LRP12: variants seen among roughly 807,000 people sequenced by gnomAD.
LRP12 encodes the protein low-density lipoprotein receptor-related protein 12.
LRP12 carries 14 observed loss-of-function variants against 66.0 expected under a neutral mutation model. That is an observed-to-expected ratio of 0.21 (90% CI 0.14 to 0.33). LRP12 has a LOEUF of 0.33. LRP12 is among the 10% of genes least tolerant of loss of function. LRP12 has a pLI of 1.00. For synonymous variants in LRP12, 357 were observed against 359.1 expected (o/e 0.99, Z 0.07); for missense variants, 889 against 1,053.4 (o/e 0.84, Z 2.16).
intron 1 of LRP12, among the ~76,000 whole-genome samples, chr8:104,575,157 C>T (rs368270193): frequency 6.6e-6 from 1 of 152,170 alleles, no homozygotes; most frequent in East Asian, 1.9e-4. Flanking sequence ...AGCCAGATCC[C>T]CTGCCCCTGA....
At chr8:104,585,625 G>A (rs909099942) in intron 1 of LRP12, among the ~76,000 whole-genome samples, 2 of 152,144 alleles carry the variant, frequency 1.3e-5, no homozygotes, top group African/African-American at 4.8e-5. Context: ...GTCCAGACCA[G>A]CAAATGAAGA....
chr8:104,565,092 C>T (rs1811978087), intron 1 of LRP12, among the ~76,000 whole-genome samples: 1 of 151,964 alleles, frequency 6.6e-6, no homozygotes, highest in African/African-American at 2.4e-5. Context: ...ATAATATTCA[C>T]TTAATAGTTC....
intron 2 of LRP12, among the ~76,000 whole-genome samples, chr8:104,520,919 C>T (rs978043755): frequency 6.6e-6 from 1 of 152,004 alleles, no homozygotes; most frequent in Non-Finnish European, 1.5e-5. Context: ...TTTTTACGTT[C>T]ACTAGGTTTG....
At position 104,513,025 on chromosome 8, in the gene LRP12, A is replaced by C. The variant is rs191099963; in HGVS notation, c.137-3951T>G. On this transcript the variant is annotated intron_variant, in intron 2 of 6. Transcript: ENST00000276654. ...GTTATGCACATTTCCAACATGACTGAATTTGGAATCTGGCTTCAGATCTAG... is the reference window on the plus strand; with the variant it reads ...GTTATGCACATTTCCAACATGACTGCATTTGGAATCTGGCTTCAGATCTAG... Among the ~76,000 whole-genome samples the C allele has an allele frequency of 7.9e-5, 12 of 152,302 alleles. No homozygotes were observed. In the East Asian group the frequency reaches 2.3e-3, roughly 29 times the overall value.
In LRP12 at chr8:104,498,062, G is replaced by C; in HGVS notation, c.490C>G (p.Pro164Ala). The C allele has an allele frequency of 1.9e-6, 3 of 1,592,968 alleles. No homozygotes were observed. The highest frequency in any genetic ancestry group is 1.3e-5 in the African/African-American group (1 of 74,456). Reference sequence around the variant, plus strand: ...CGAAACTGATCACAAGCACAATTTGGTTCCTCAGATTTCCCTGTGAAGATG... The same window carrying C: ...CGAAACTGATCACAAGCACAATTTGCTTCCTCAGATTTCCCTGTGAAGATG... ...LAYFSGKSEE[P>A]NCACDQFRCG... The change falls in exon 5 of 7, where the codon CCA becomes GCA. Residue 164 changes from proline to alanine, a missense_variant. Around this residue, in one of 3 missense-constraint regions of LRP12, gnomAD observed 800 missense variants for 964.5 expected, o/e 0.83. Transcript: ENST00000276654.
chr8:104,563,900 GACACATATATACAA>G (rs1811954385), intron 1 of LRP12, among the ~76,000 whole-genome samples: 1 of 152,134 alleles, frequency 6.6e-6, no homozygotes, highest in African/African-American at 2.4e-5. Flanking sequence ...AATGGACTAA[GACACATATATACAA>G]ACACATATAC....
rs368340109 is a variant in LRP12, at chr8:104,497,345, T to C, written c.1207A>G (p.Asn403Asp). ...QRCDGYWHCP[N>D]GRDETNCTMC... ...GTACAATTGGTTTCATCCCTTCCAT[T>C]TGGGCAATGCCAATACCCATCACAA... The change falls in exon 5 of 7, where the codon AAT becomes GAT. Residue 403 changes from asparagine to aspartate, a missense_variant. Asn to Asp is a conservative substitution (Grantham distance 23, BLOSUM62 1). Transcript: ENST00000276654. This position sits in a 1 kb window ranked among gnomAD's most constrained non-coding sequence, Gnocchi z 4.3. The C allele has an allele frequency of 5.0e-6, 8 of 1,614,058 alleles. No homozygotes were observed. Among genetic ancestry groups the C allele is most frequent in the African/African-American group, 2.7e-5 (2 of 75,018 alleles).
intron 1 of LRP12, among the ~76,000 whole-genome samples, chr8:104,548,166 T>TACATA (rs1554709872): frequency 5.4e-4 from 28 of 52,098 alleles, no homozygotes; most frequent in Non-Finnish European, 8.2e-4. Flanking sequence ...ATAATTATTA[T>TACATA]ATATAATATA....
chr8:104,557,988 T>A (rs1235975922), intron 1 of LRP12, among the ~76,000 whole-genome samples: 3 of 152,102 alleles, frequency 2.0e-5, no homozygotes, highest in Non-Finnish European at 2.9e-5. Flanking sequence ...AGCGGGAGGA[T>A]CACTTGAGGT....
chr8:104,498,894 TAAGAA>T (rs932533475), intron 4 of LRP12, among the ~76,000 whole-genome samples: 2 of 152,190 alleles, frequency 1.3e-5, no homozygotes, highest in African/African-American at 4.8e-5. Context: ...AGACACAATT[TAAGAA>T]AAGAAAAGAT....
chr8:104,492,733 G>T (rs1335501033), intron 6 of LRP12, among the ~76,000 whole-genome samples: 1 of 151,946 alleles, frequency 6.6e-6, no homozygotes, highest in East Asian at 1.9e-4. Flanking sequence ...ACATTTCATA[G>T]TCTAACATTA....
At chr8:104,546,260 T>C (rs1350031883) in intron 1 of LRP12, among the ~76,000 whole-genome samples, 2 of 152,134 alleles carry the variant, frequency 1.3e-5, no homozygotes, top group Non-Finnish European at 2.9e-5. Context: ...TGTTGAGGTA[T>C]AACTTATATG....
At chr8:104,495,390 C>T (rs538108247) in intron 5 of LRP12, 181 bp from the exon 6 acceptor site, 13 of 551,402 alleles carry the variant, frequency 2.4e-5, no homozygotes, top group East Asian at 5.9e-5. Flanking sequence ...ACAAAGCTGA[C>T]GCAGGCAGTC....
intron 1 of LRP12, among the ~76,000 whole-genome samples, chr8:104,583,383 T>C (rs1020454371): frequency 6.6e-6 from 1 of 152,178 alleles, no homozygotes; most frequent in African/African-American, 2.4e-5. Context: ...CCTGGGCCTT[T>C]CATGCATTGT....
rs1160550753 is a variant in LRP12 at position 104,491,119 on chromosome 8, T to G, written c.2134A>C (p.Thr712Pro). 6.2e-7 allele frequency: 1 copy of G among 1,613,992 alleles called. No homozygotes were observed. Among genetic ancestry groups the G allele is most frequent in the Non-Finnish European group, 8.5e-7 (1 of 1,180,036 alleles). The change falls in exon 7 of 7, where the codon ACA becomes CCA. Residue 712 changes from threonine to proline, a missense_variant. Thr to Pro is a conservative substitution (Grantham distance 38). Coordinates refer to ENST00000276654, the MANE Select transcript of LRP12 (RefSeq NM_013437.5). ...GGHADNGRDV[T>P]SVEPPSVSPA... ...CTCACACTTGGGGGTTCCACACTTG[T>G]CACATCCCTTCCATTATCTGCATGA...
At chr8:104,572,248 G>A (rs577559026) in intron 1 of LRP12, among the ~76,000 whole-genome samples, 11 of 152,262 alleles carry the variant, frequency 7.2e-5, no homozygotes, top group African/African-American at 2.6e-4. Flanking sequence ...CAGATTATGG[G>A]TGAGGACATG....
At chr8:104,541,293 TG>T (rs1312284281) in intron 1 of LRP12, among the ~76,000 whole-genome samples, 2 of 152,164 alleles carry the variant, frequency 1.3e-5, no homozygotes, top group Admixed American at 6.5e-5. Context: ...TTCACACAGG[TG>T]AAAATCACCT....
intron 2 of LRP12, among the ~76,000 whole-genome samples, chr8:104,528,513 G>A (rs992632772): frequency 2.6e-5 from 4 of 152,142 alleles, no homozygotes; most frequent in African/African-American, 9.7e-5. Flanking sequence ...GGTGGCTCAT[G>A]CCTGTAATGC....
At chr8:104,557,924 T>C (rs1268810154) in intron 1 of LRP12, among the ~76,000 whole-genome samples, 1 of 152,050 alleles carries the variant, frequency 6.6e-6, no homozygotes, top group Non-Finnish European at 1.5e-5. Context: ...AAAGTAGGCA[T>C]ATAGGCCTAG....
Sources: gnomAD v4.1 joint callset for allele counts (sites outside exome capture counted in the v4.1 genomes callset) on GRCh38, gnomAD v4.1.1 for gene constraint, gnomAD v4.1.1 regional missense constraint, Gnocchi (gnomAD v3.1) non-coding constraint, MANE v1.5 for transcripts, NCBI Gene and HGNC (gene_info 2026-07-23, HGNC 2026-07-21) for gene names.